Variants in VANGL2 observed in about 807,000 individuals in gnomAD.
VANGL2 encodes the protein VANGL planar cell polarity protein 2.
VANGL2 carries 14 observed loss-of-function variants against 50.2 expected under a neutral mutation model. The observed-to-expected ratio is 0.28, with a 90% CI of 0.18 to 0.44. The LOEUF is 0.44. VANGL2 is among the 20% of genes least tolerant of loss of function. The pLI, the probability that VANGL2 is intolerant of heterozygous loss-of-function variation, is 1.00. For synonymous variants in VANGL2, 295 were observed against 297.2 expected (o/e 0.99, Z 0.08); for missense variants, 533 against 701.5 (o/e 0.76, Z 2.71).
At chr1:160,413,913 G>A (rs1436926630) in intron 1 of VANGL2, among the ~76,000 whole-genome samples, 1 of 152,136 alleles carries the variant, frequency 6.6e-6, no homozygotes, top group Non-Finnish European at 1.5e-5. Context: ...CAGGCTAGAA[G>A]CTGAACTAAT....
In VANGL2 at chr1:160,421,142, A is replaced by G; in HGVS notation, c.1028A>G (p.Tyr343Cys). ...RRDNSHNEYY[Y>C]EEAEHERRVR... ...GACAACAGTCACAATGAGTACTACTATGAGGAGGCTGAGCATGAGCGAAGG... is the reference window on the plus strand; with the variant it reads ...GACAACAGTCACAATGAGTACTACTGTGAGGAGGCTGAGCATGAGCGAAGG... Residue 343 changes from tyrosine to cysteine, a missense_variant, in exon 6 of 8, where the codon TAT (tyrosine) becomes TGT (cysteine). Coordinates refer to ENST00000368061, the MANE Select transcript of VANGL2 (RefSeq NM_020335.3). 1.2e-6 allele frequency: 2 copies of G among 1,614,040 alleles called. No individual in the cohort carries two copies. The highest frequency in any genetic ancestry group is 1.7e-6 in the Non-Finnish European group (2 of 1,180,028).
intron 1 of VANGL2, among the ~76,000 whole-genome samples, chr1:160,413,478 G>A (rs965853023): frequency 6.6e-6 from 1 of 151,882 alleles, no homozygotes; most frequent in African/African-American, 2.4e-5. Context: ...TGGCCAGGCT[G>A]GTCTTGAACT....
chr1:160,416,124 C>A lies in VANGL2; in HGVS notation c.134C>A (p.Thr45Lys), dbSNP rs766138292. The A allele has an allele frequency of 6.2e-7, 1 of 1,614,120 alleles. No homozygotes were observed. Among genetic ancestry groups the A allele is most frequent in the Non-Finnish European group, 8.5e-7 (1 of 1,180,038 alleles). Reference sequence around the variant, plus strand: ...GGGGGCCGAGGGGACAAGTCGGTGACAATCCAGGCTCCCGGGGAGCCCCTG... The same window carrying A: ...GGGGGCCGAGGGGACAAGTCGGTGAAAATCCAGGCTCCCGGGGAGCCCCTG... ...RDGGRGDKSV[T>K]IQAPGEPLLD... is the part of the protein sequence containing the mutation. The change falls in exon 3 of 8, where the codon ACA (threonine) becomes AAA (lysine). Residue 45 changes from threonine (T) to lysine (K), a missense_variant. Thr to Lys is a moderately conservative substitution (Grantham distance 78). Coordinates refer to ENST00000368061, the MANE Select transcript of VANGL2 (RefSeq NM_020335.3).
intron 1 of VANGL2, among the ~76,000 whole-genome samples, chr1:160,404,932 C>T (rs1225785261): frequency 6.6e-6 from 1 of 152,188 alleles, no homozygotes; most frequent in Non-Finnish European, 1.5e-5. Flanking sequence ...GATTTGGCCT[C>T]AGTTTCTCTG....
intron 1 of VANGL2, among the ~76,000 whole-genome samples, chr1:160,409,472 AG>A (rs1447802697): frequency 6.6e-6 from 1 of 152,122 alleles, no homozygotes; most frequent in Non-Finnish European, 1.5e-5. Flanking sequence ...GGAAAGGGGA[AG>A]GGGTGTCAGG....
chr1:160,404,126 T>C (rs1457541555), intron 1 of VANGL2, among the ~76,000 whole-genome samples: 1 of 152,186 alleles, frequency 6.6e-6, no homozygotes, highest in Non-Finnish European at 1.5e-5. Context: ...GGAGTCGGGA[T>C]AGGAGAACTA....
At chr1:160,421,007 G>A (rs997445833) in intron 5 of VANGL2, 45 bp from the exon 6 acceptor site, 2 of 1,612,866 alleles carry the variant, frequency 1.2e-6, no homozygotes, top group Non-Finnish European at 1.7e-6. Flanking sequence ...GGGAAGAGAG[G>A]CCACACTCTG....
Position 160,419,464 on chromosome 1 carries a change from G to A in VANGL2, c.655G>A (p.Ala219Thr), listed in dbSNP as rs1471773109. 2 of 1,608,976 alleles carry A rather than the reference G, an allele frequency of 1.2e-6. No homozygotes were observed. The highest frequency in any genetic ancestry group is 1.7e-6 in the Non-Finnish European group (2 of 1,179,994). ...ERSYQGVVQF[A>T]VSLVDALLFV... ...CAGCTACCAGGGCGTGGTGCAGTTCGCCGTGTCGCTGGTGGACGCCCTTCT... is the reference window on the plus strand; with the variant it reads ...CAGCTACCAGGGCGTGGTGCAGTTCACCGTGTCGCTGGTGGACGCCCTTCT... Residue 219 changes from alanine (A) to threonine (T), a missense_variant, in exon 4 of 8, where the codon GCC becomes ACC. By Grantham distance (58) the Ala-to-Thr change is moderately conservative. Transcript: ENST00000368061. This position sits in a 1 kb window ranked among gnomAD's most constrained non-coding sequence, Gnocchi z 5.8.
At chr1:160,401,110 G>T (rs1037404610) in intron 1 of VANGL2, among the ~76,000 whole-genome samples, 5 of 152,152 alleles carry the variant, frequency 3.3e-5, no homozygotes, top group East Asian at 3.9e-4. Context: ...GAAGGGGCTC[G>T]TGGGGAGGGG....
At chr1:160,409,122 G>A (rs896090622) in intron 1 of VANGL2, among the ~76,000 whole-genome samples, 3 of 152,234 alleles carry the variant, frequency 2.0e-5, no homozygotes, top group East Asian at 1.9e-4. Context: ...GCAGGACGGA[G>A]TCAGCAAATC....
At chr1:160,424,838 G>C (rs944061267) in intron 7 of VANGL2, among the ~76,000 whole-genome samples, 5 of 152,176 alleles carry the variant, frequency 3.3e-5, no homozygotes, top group Admixed American at 6.5e-5. Flanking sequence ...TCACAGCCTG[G>C]TGCAGGGAGA....
At chr1:160,420,264 C>T (rs750138386) in intron 4 of VANGL2, 147 bp from the exon 5 acceptor site, 26 of 1,043,636 alleles carry the variant, frequency 2.5e-5, no homozygotes, top group Non-Finnish European at 3.7e-5. Flanking sequence ...GGTAAGTAGA[C>T]CTCAGGCCCG....
At position 160,425,279 on chromosome 1, in the gene VANGL2, C is replaced by G. The variant is rs1379103276; in HGVS notation, c.1467C>G (p.Val489=). Residue 489 remains valine, a synonymous_variant, in exon 8 of 8, where the codon GTC becomes GTG. Transcript: ENST00000368061. ...AACGCCAGGACTTCAGCCTGGTGGT[C>G]AGCACCAAGAAGGTCCCATTCTTCA... ...LLKRQDFSLV[V]STKKVPFFKL... 6.2e-7 allele frequency: 1 copy of G among 1,614,108 alleles called. No homozygotes were observed. Among genetic ancestry groups the G allele is most frequent in the Admixed American group, 1.7e-5 (1 of 59,984 alleles).
Position 160,425,322 on chromosome 1 carries a change from G to A in VANGL2, c.1510G>A (p.Val504Met). ...VPFFKLSEEF[V>M]DPKSHKFVMR... ...ATTCTTCAAACTCTCCGAGGAATTTGTGGATCCCAAGTCACACAAGTTTGT... is the reference window on the plus strand; with the variant it reads ...ATTCTTCAAACTCTCCGAGGAATTTATGGATCCCAAGTCACACAAGTTTGT... Residue 504 changes from valine to methionine, a missense_variant, in exon 8 of 8, where the codon GTG becomes ATG. Transcript: ENST00000368061. 6.2e-7 allele frequency: 1 copy of A among 1,613,152 alleles called. No homozygotes were observed. The highest frequency in any genetic ancestry group is 8.5e-7 in the Non-Finnish European group (1 of 1,179,708).
rs186914950 is a variant in VANGL2 at position 160,411,748 on chromosome 1, G to T, written c.-190-3900G>T. Among the ~76,000 whole-genome samples the T allele has an allele frequency of 1.1e-3, 165 of 152,204 alleles. 1 individual carries two copies. ...GAGGAAGATAGGGGGCACTAGGCTG[G>T]GCAGCTCAGAACAAAAGGGGACTGG... On this transcript the variant is annotated intron_variant, in intron 1 of 7. Coordinates refer to ENST00000368061, the MANE Select transcript of VANGL2 (RefSeq NM_020335.3).
intron 3 of VANGL2, among the ~76,000 whole-genome samples, chr1:160,418,095 G>C (rs1331218273): frequency 6.6e-6 from 1 of 151,886 alleles, no homozygotes; most frequent in Non-Finnish European, 1.5e-5. Context: ...GTGTGTGTGT[G>C]TTTTTAGTAG....
intron 1 of VANGL2, among the ~76,000 whole-genome samples, chr1:160,411,743 G>A (rs1650887661): frequency 6.6e-6 from 1 of 152,122 alleles, no homozygotes; most frequent in Non-Finnish European, 1.5e-5. Flanking sequence ...GGGGGCACTA[G>A]GCTGGGCAGC....
Position 160,419,733 on chromosome 1 carries a change from G to A in VANGL2, c.800+124G>A. On this transcript the variant is annotated intron_variant, in intron 4 of 7. Transcript: ENST00000368061. This position sits in a 1 kb window ranked among gnomAD's most constrained non-coding sequence, Gnocchi z 5.8. Reference sequence around the variant, plus strand: ...ATGGGCTTGGAGGGTTGTGTGGGAGGGAGTTGAGTACTTTGCACCAAGTAG... The same window carrying A: ...ATGGGCTTGGAGGGTTGTGTGGGAGAGAGTTGAGTACTTTGCACCAAGTAG... 2 of 1,401,182 alleles carry A rather than the reference G, an allele frequency of 1.4e-6. No homozygotes were observed. Among genetic ancestry groups the A allele is most frequent in the Non-Finnish European group, 1.9e-6 (2 of 1,056,410 alleles). 86.8% of individuals were successfully genotyped at this position (1,401,182 alleles called of 1,614,324 possible). A position where few individuals can be genotyped will look rare whatever the true frequency, so the allele number is the denominator to read the frequency against.
chr1:160,421,100 C>A lies in VANGL2; in HGVS notation c.986C>A (p.Ala329Glu), dbSNP rs1001459139. 1.9e-6 allele frequency: 3 copies of A among 1,614,020 alleles called. No homozygotes were observed. Among genetic ancestry groups the A allele is most frequent in the Non-Finnish European group, 2.5e-6 (3 of 1,180,048 alleles). ...GGCCAGTCTCGGGCTGTGATTGCAG[C>A]GGCAGCTCGGAGGCGGGACAACAGT... is the stretch of plus-strand genomic sequence containing the variant. ...STGQSRAVIA[A>E]AARRRDNSHN... Residue 329 changes from alanine (A) to glutamate (E), a missense_variant, in exon 6 of 8, where the codon GCG becomes GAG. Physicochemically the swap from Ala to Glu is moderately radical, Grantham distance 107. Coordinates refer to ENST00000368061, the MANE Select transcript of VANGL2 (RefSeq NM_020335.3).
Sources: gnomAD v4.1 joint callset for allele counts (sites outside exome capture counted in the v4.1 genomes callset) on GRCh38, gnomAD v4.1.1 for gene constraint, Gnocchi (gnomAD v3.1) non-coding constraint, MANE v1.5 for transcripts, NCBI Gene and HGNC (gene_info 2026-07-23, HGNC 2026-07-21) for gene names.